The following ZC3H7B variants were observed in gnomAD, a reference collection of about 807,000 sequenced individuals.
ZC3H7B encodes the protein zinc finger CCCH domain-containing protein 7B.
A neutral mutation model predicts 116.0 loss-of-function variants in ZC3H7B; 35 were observed. The ratio of observed to expected loss-of-function variants is 0.30; its 90% CI spans 0.23 to 0.40. The LOEUF (loss-of-function observed/expected upper bound fraction) is 0.40, where lower values mean the gene tolerates loss of function less well. Among genes scored for constraint, ZC3H7B ranks in the 10% least tolerant of loss-of-function variants. The probability of loss-of-function intolerance (pLI) is 1.00; values close to 1 mark genes in which losing one functional copy is unlikely to be tolerated. For missense variants in ZC3H7B, 1,011 were observed against 1,321.5 expected (o/e 0.77, Z 3.64); for synonymous variants, 502 against 545.6 (o/e 0.92, Z 1.11).
Position 41,325,845 on chromosome 22 carries a change from C to T in ZC3H7B, c.212C>T (p.Ser71Phe). 6.2e-7 allele frequency: 1 copy of T among 1,612,900 alleles called. No homozygotes were observed. Among genetic ancestry groups the T allele is most frequent in the Non-Finnish European group, 8.5e-7 (1 of 1,179,794 alleles). ...CTGAACGTGGCCGACTACGCTGCCT[C>T]TGACCAGGTGGCCCTGCCCCGGGAG... is the stretch of plus-strand genomic sequence containing the variant. ...EGLNVADYAA[S>F]DQVALPRELL... Residue 71 changes from serine (S) to phenylalanine (F), a missense_variant, in exon 4 of 23, where the codon TCT (serine) becomes TTT (phenylalanine). By Grantham distance (155) the Ser-to-Phe change is radical. This residue lies in a region of ZC3H7B where 322 missense variants were observed against 443.9 expected (regional missense o/e 0.73). Coordinates refer to ENST00000352645, the MANE Select transcript of ZC3H7B (RefSeq NM_017590.6).
At chr22:41,314,299 G>A (rs2036153758) in intron 1 of ZC3H7B, among the ~76,000 whole-genome samples, 1 of 151,690 alleles carries the variant, frequency 6.6e-6, no homozygotes, top group Admixed American at 6.6e-5. Flanking sequence ...TGGGACTATA[G>A]GCGAGTGCCA....
At chr22:41,348,279 G>T in intron 15 of ZC3H7B, 112 bp downstream of exon 15, 1 of 901,626 alleles carries the variant, frequency 1.1e-6, no homozygotes, top group Admixed American at 2.2e-5. Flanking sequence ...TAGGGTGCAA[G>T]GAAAGGGGCA....
At chr22:41,350,780 G>A (rs2093013544) in intron 16 of ZC3H7B, among the ~76,000 whole-genome samples, 1 of 152,186 alleles carries the variant, frequency 6.6e-6, no homozygotes, top group Non-Finnish European at 1.5e-5. Context: ...TCACAGGAAA[G>A]GTCTGGCCTG....
At chr22:41,309,886 C>T (rs990678283) in intron 1 of ZC3H7B, among the ~76,000 whole-genome samples, 11 of 151,978 alleles carry the variant, frequency 7.2e-5, no homozygotes, top group Non-Finnish European at 4.4e-5. Context: ...AAACAGCCCA[C>T]GACTGGGCAG....
At position 41,356,412 on chromosome 22, in the gene ZC3H7B, C is replaced by G; in HGVS notation, c.2453C>G (p.Thr818Ser). 6.2e-7 allele frequency: 1 copy of G among 1,614,158 alleles called. No individual in the cohort carries two copies. Among genetic ancestry groups the G allele is most frequent in the Non-Finnish European group, 8.5e-7 (1 of 1,180,026 alleles). The change falls in exon 21 of 23, where the codon ACC (threonine) becomes AGC (serine). Residue 818 changes from threonine to serine, a missense_variant. Thr to Ser is a moderately conservative substitution (Grantham distance 58). Transcript: ENST00000352645. ...AACCCAGGAAAGCCTGGAGAAGGGACCCCCATCAGTTCTCGGGAAGGGGAG... is the reference window on the plus strand; with the variant it reads ...AACCCAGGAAAGCCTGGAGAAGGGAGCCCCATCAGTTCTCGGGAAGGGGAG... ...KHNPGKPGEG[T>S]PISSREGEKQ... is the part of the protein sequence containing the mutation.
In ZC3H7B at chr22:41,323,181, C is replaced by G. The variant is rs530139559; in HGVS notation, c.54-2383C>G. 1.4e-4 allele frequency among the ~76,000 whole-genome samples: 22 copies of G among 152,316 alleles called. No homozygotes were observed. The East Asian group carries it at 4.0e-3, about 28-fold the overall frequency. On this transcript the variant is annotated intron_variant, in intron 2 of 22. Coordinates refer to ENST00000352645, the MANE Select transcript of ZC3H7B (RefSeq NM_017590.6). ...CAGCACCCCTTCCCTGGGCTGTTGT[C>G]CAACCCCACCTTGCTGCCATGGCTG...
At position 41,345,259 on chromosome 22, in the gene ZC3H7B, A is replaced by G. The variant is rs183380732; in HGVS notation, c.1460-744A>G. ...CCAAATTACATGCTCTTAACCATGC[A>G]GTGTTCTTTTCCTGGTGAATAATTA... On this transcript the variant is annotated intron_variant, in intron 13 of 22. Transcript: ENST00000352645. 1.0e-3 allele frequency among the ~76,000 whole-genome samples: 153 copies of G among 152,166 alleles called. 1 individual carries two copies. The highest frequency in any genetic ancestry group is 3.6e-3 in the African/African-American group (149 of 41,538).
rs2036710786 is a variant in ZC3H7B, at chr22:41,356,003, G to C, written c.2324G>C (p.Cys775Ser). ...CGCAAGTGCCAATATGTGGGGAACT[G>C]CTCCTTCGCACACAGCCCGGAGGAG... ...NGRKCQYVGNCSFAHSPEERD... is the reference protein window; with the variant it reads ...NGRKCQYVGNSSFAHSPEERD... The change falls in exon 20 of 23, where the codon TGC becomes TCC. Residue 775 changes from cysteine to serine, a missense_variant. By Grantham distance (112) the Cys-to-Ser change is moderately radical (BLOSUM62 -1). Around this residue, in one of 5 missense-constraint regions of ZC3H7B, gnomAD observed 406 missense variants for 590.2 expected, o/e 0.69. Transcript: ENST00000352645. 1 of 1,566,474 alleles carries C rather than the reference G, an allele frequency of 6.4e-7. No individual in the cohort carries two copies. Among genetic ancestry groups the C allele is most frequent in the Non-Finnish European group, 8.6e-7 (1 of 1,157,774 alleles).
intron 7 of ZC3H7B, chr22:41,332,787 A>G (rs543815074): frequency 1.7e-4 from 26 of 153,000 alleles, no homozygotes; most frequent in Admixed American, 1.6e-3. Flanking sequence ...GCATTCTGAA[A>G]TGCGGACCAT....
Sources: gnomAD v4.1 joint callset for allele counts (sites outside exome capture counted in the v4.1 genomes callset) on GRCh38, gnomAD v4.1.1 for gene constraint, gnomAD v4.1.1 regional missense constraint, MANE v1.5 for transcripts, NCBI Gene and HGNC (gene_info 2026-07-23, HGNC 2026-07-21) for gene names.